KCNJ16: variants seen among roughly 807,000 people sequenced by gnomAD.
KCNJ16 encodes inward rectifier potassium channel 16.
Under a neutral mutation model 18.5 loss-of-function variants are expected in KCNJ16, and 15 were observed. The ratio of observed to expected loss-of-function variants is 0.81; its 90% CI spans 0.54 to 1.25. KCNJ16 has a LOEUF of 1.25. KCNJ16 is among the 50% of genes most tolerant of loss of function. The pLI is 0.00. For missense variants in KCNJ16, 523 were observed against 525.7 expected, an observed-to-expected ratio of 0.99 and a Z score of 0.05; for synonymous variants, 174 against 186.5, an observed-to-expected ratio of 0.93 and a Z score of 0.55.
At chr17:70,085,228 C>T (rs897248230) in intron 1 of KCNJ16, among the ~76,000 whole-genome samples, 1 of 152,218 alleles carries the variant, frequency 6.6e-6, no homozygotes, top group Admixed American at 6.5e-5. Flanking sequence ...AACAAAGGAA[C>T]ATGTGTCAGA....
At position 70,123,758 on chromosome 17, in the gene KCNJ16, C is replaced by A. The variant is rs901075761; in HGVS notation, c.-190-7121C>A. 2.0e-5 allele frequency among the ~76,000 whole-genome samples: 3 copies of A among 152,040 alleles called. No individual in the cohort carries two copies. In the East Asian group the frequency reaches 5.8e-4, roughly 29 times the overall value. ...AATCCAAGTCTTTGATCTTCATATT[C>A]CTGCCCTTTGACTATTCTGCTGTTA... On this transcript the variant is annotated intron_variant, in intron 2 of 3. Transcript: ENST00000392671.
At chr17:70,113,711 T>C (rs2073283539) in intron 2 of KCNJ16, among the ~76,000 whole-genome samples, 7 of 152,140 alleles carry the variant, frequency 4.6e-5, no homozygotes, top group Admixed American at 4.6e-4. Context: ...CTAACTTGGG[T>C]TGCCGCTGTG....
chr17:70,121,154 C>T (rs2144137939), intron 2 of KCNJ16, among the ~76,000 whole-genome samples: 1 of 152,188 alleles, frequency 6.6e-6, no homozygotes, highest in South Asian at 2.1e-4. Context: ...GCAGGGGTAT[C>T]AATGACAATT....
intron 1 of KCNJ16, among the ~76,000 whole-genome samples, chr17:70,080,068 T>C (rs979710836): frequency 2.0e-5 from 3 of 152,164 alleles, no homozygotes; most frequent in African/African-American, 7.2e-5. Context: ...AAGATTTTTT[T>C]AAATTGAGGT....
Position 70,088,200 on chromosome 17 carries a change from TAGA to T in KCNJ16, c.-299-12454_-299-12452del, listed in dbSNP as rs2071924103. On this transcript the variant is annotated intron_variant, in intron 1 of 3. Transcript: ENST00000392671. ...CTTTTGGCACCAGATACTGGTTTTGTAGAAGACGATTTTTTTCACGGATGGAGG... is the reference window on the plus strand; with the variant it reads ...CTTTTGGCACCAGATACTGGTTTTGTAGACGATTTTTTTCACGGATGGAGG... Among the ~76,000 whole-genome samples the T allele has an allele frequency of 2.0e-5, 3 of 152,284 alleles. No homozygotes were observed. The South Asian group carries it at 6.2e-4, about 32-fold the overall frequency.
intron 1 of KCNJ16, among the ~76,000 whole-genome samples, chr17:70,086,368 T>C (rs910812679): frequency 3.3e-5 from 5 of 152,198 alleles, no homozygotes; most frequent in Non-Finnish European, 5.9e-5. Flanking sequence ...AAGTCAAACG[T>C]GTATTTTCAG....
intron 2 of KCNJ16, among the ~76,000 whole-genome samples, chr17:70,105,680 T>A (rs913547394): frequency 6.6e-6 from 1 of 152,228 alleles, no homozygotes. Context: ...TCTGACTAAG[T>A]ATAAAAGCAC....
At chr17:70,116,815 G>A (rs754980821) in intron 2 of KCNJ16, among the ~76,000 whole-genome samples, 19 of 152,158 alleles carry the variant, frequency 1.2e-4, no homozygotes, top group African/African-American at 3.6e-4. Flanking sequence ...AGATGTTAGC[G>A]AGGCTGCGGA....
In KCNJ16 at chr17:70,132,492, T is replaced by C. The variant is rs1673446809; in HGVS notation, c.405T>C (p.Gly135=). The change falls in exon 4 of 4, where the codon GGT becomes GGC. Residue 135 remains glycine (G), a synonymous_variant. Coordinates refer to ENST00000392671, the MANE Select transcript of KCNJ16 (RefSeq NM_170741.4). ...AGACCCAAACCACCATAGGATATGGTTATCGCTGTGTTACTGAAGAATGTT... is the reference window on the plus strand; with the variant it reads ...AGACCCAAACCACCATAGGATATGGCTATCGCTGTGTTACTGAAGAATGTT... ...SLETQTTIGY[G]YRCVTEECSV... is the part of the protein sequence containing the mutation. The C allele has an allele frequency of 6.2e-7, 1 of 1,614,066 alleles. No individual in the cohort carries two copies. The highest frequency in any genetic ancestry group is 1.3e-5 in the African/African-American group (1 of 74,916).
At chr17:70,092,715 T>C (rs73998757) in intron 1 of KCNJ16, among the ~76,000 whole-genome samples, 7,998 of 152,184 alleles carry the variant, frequency 0.053, 277 homozygotes, top group Non-Finnish European at 0.076. Context: ...TGAAATTCAG[T>C]CTGATTAAGA....
At chr17:70,131,347 T>G (rs2074053018) in intron 3 of KCNJ16, 2 of 1,062,618 alleles carry the variant, frequency 1.9e-6, no homozygotes, top group Non-Finnish European at 1.1e-6. Flanking sequence ...TTTCTTTTCT[T>G]TCAAGACTAA....
chr17:70,103,453 C>T (rs1376570108), intron 2 of KCNJ16, among the ~76,000 whole-genome samples: 1 of 151,244 alleles, frequency 6.6e-6, no homozygotes, highest in Admixed American at 6.6e-5. Flanking sequence ...AGGGGTGAGA[C>T]ACTATGCCCG....
intron 2 of KCNJ16, among the ~76,000 whole-genome samples, chr17:70,109,866 A>T (rs2073105954): frequency 6.6e-6 from 1 of 152,174 alleles, no homozygotes; most frequent in Non-Finnish European, 1.5e-5. Context: ...CTCAGCTCCC[A>T]GCCCCACAAT....
At chr17:70,104,884 T>G (rs752336632) in intron 2 of KCNJ16, 1 of 152,690 alleles carries the variant, frequency 6.5e-6, no homozygotes, top group Non-Finnish European at 1.5e-5. Context: ...CTGTGGTGAA[T>G]GTATCCGGAA....
intron 2 of KCNJ16, among the ~76,000 whole-genome samples, chr17:70,108,887 T>C (rs916614706): frequency 4.6e-5 from 7 of 152,122 alleles, no homozygotes; most frequent in African/African-American, 1.7e-4. Flanking sequence ...TCCCTGCTTG[T>C]GAGTTTCTCC....
In KCNJ16 at chr17:70,103,218, A is replaced by AT. The variant is rs201352292; in HGVS notation, c.-191+2453dup. On this transcript the variant is annotated intron_variant, in intron 2 of 3. Coordinates refer to ENST00000392671, the MANE Select transcript of KCNJ16 (RefSeq NM_170741.4). ...TATGTGTATATATATTTTTGTGTATATATATGTGTATTATATATTTATGTG... is the reference window on the plus strand; with the variant it reads ...TATGTGTATATATATTTTTGTGTATATTATATGTGTATTATATATTTATGTG... Among the ~76,000 whole-genome samples the AT allele has an allele frequency of 5.9e-3, 852 of 144,190 alleles. 5 individuals are homozygous for AT. Among genetic ancestry groups the AT allele is most frequent in the African/African-American group, 0.019 (770 of 39,638 alleles). The allele number at this position is 144,190 out of a possible 152,430, so 94.6% of individuals were successfully genotyped here.
intron 2 of KCNJ16, among the ~76,000 whole-genome samples, chr17:70,118,553 G>A (rs1351215283): frequency 6.6e-6 from 1 of 152,080 alleles, no homozygotes; most frequent in East Asian, 1.9e-4. Context: ...TTACAAAATG[G>A]TGGAAAGTGA....
intron 2 of KCNJ16, among the ~76,000 whole-genome samples, chr17:70,117,438 C>T (rs999450270): frequency 6.6e-6 from 1 of 152,022 alleles, no homozygotes; most frequent in African/African-American, 2.4e-5. Flanking sequence ...ACATGGACCC[C>T]AGAATTTAAA....
chr17:70,129,188 A>G (rs970491648), intron 2 of KCNJ16, among the ~76,000 whole-genome samples: 2 of 152,238 alleles, frequency 1.3e-5, no homozygotes, highest in Non-Finnish European at 2.9e-5. Context: ...AAAAAATTAC[A>G]AAAGTAGGAA....
Sources: allele counts gnomAD v4.1 joint callset (sites outside exome capture counted in the v4.1 genomes callset), GRCh38; gene constraint gnomAD v4.1.1; transcripts MANE v1.5; gene names NCBI Gene and HGNC (gene_info 2026-07-23, HGNC 2026-07-21).